Variants in MACIR observed in about 807,000 individuals in gnomAD.
MACIR encodes macrophage immunometabolism regulator, also known as UNC119-binding protein C5orf30.
In MACIR, 4 loss-of-function variants were observed where a neutral mutation model predicts 14.3. The ratio of observed to expected loss-of-function variants is 0.28; its 90% confidence interval spans 0.14 to 0.64. MACIR has a LOEUF of 0.64. Among genes scored for constraint, MACIR ranks in the 30% least tolerant of loss-of-function variants. The pLI is 0.83. For missense variants in MACIR, 228 were observed against 257.6 expected (o/e 0.89, Z 0.79); for synonymous variants, 101 against 102.4 (o/e 0.99, Z 0.08).
chr5:103,265,426 G>A (rs1447565053), intron 1 of MACIR, among the ~76,000 whole-genome samples: 2 of 152,150 alleles, frequency 1.3e-5, no homozygotes, highest in Non-Finnish European at 2.9e-5. Flanking sequence ...AGGGAGGAAG[G>A]GGGGTTATTA....
At chr5:103,268,663 C>T (rs782319075) in intron 2 of MACIR, among the ~76,000 whole-genome samples, 3 of 152,320 alleles carry the variant, frequency 2.0e-5, no homozygotes, top group Non-Finnish European at 4.4e-5. Context: ...CACCCCAGAT[C>T]AGTTAAATCA....
intron 2 of MACIR, among the ~76,000 whole-genome samples, chr5:103,267,829 C>T (rs1804981963): frequency 6.6e-6 from 1 of 152,088 alleles, no homozygotes; most frequent in Admixed American, 6.5e-5. Context: ...ACAAATAGAA[C>T]ATTTTCATCA....
At chr5:103,274,940 C>G (rs536246741) in intron 2 of MACIR, among the ~76,000 whole-genome samples, 2 of 152,280 alleles carry the variant, frequency 1.3e-5, no homozygotes, top group South Asian at 4.1e-4. Context: ...CAAATTTGAT[C>G]TATCTGTAGC....
intron 2 of MACIR, among the ~76,000 whole-genome samples, chr5:103,272,060 A>G (rs1242611058): frequency 6.6e-6 from 1 of 152,140 alleles, no homozygotes; most frequent in Non-Finnish European, 1.5e-5. Flanking sequence ...AATTTGTGAG[A>G]GTGCTTTGTA....
chr5:103,260,221 CTTT>C (rs797038831), intron 1 of MACIR, among the ~76,000 whole-genome samples: 4 of 139,068 alleles, frequency 2.9e-5, no homozygotes, highest in Non-Finnish European at 4.7e-5. Flanking sequence ...ACTCATTTTC[CTTT>C]TTTTTTTTTT....
rs577051358 is a variant in MACIR at position 103,262,031 on chromosome 5, G to A, written c.-114+3135G>A. On this transcript the variant is annotated intron_variant, in intron 1 of 2. Transcript: ENST00000319933. ...GAAGCTTGAGATTCACGACTTTTTT[G>A]TGTGTTTACGAATTTTGTATGGACA... 4.6e-5 allele frequency among the ~76,000 whole-genome samples: 7 copies of A among 152,136 alleles called. No homozygotes were observed. The East Asian group carries it at 1.4e-3, about 29-fold the overall frequency.
At chr5:103,268,314 C>T (rs1022221350) in intron 2 of MACIR, among the ~76,000 whole-genome samples, 9 of 152,142 alleles carry the variant, frequency 5.9e-5, no homozygotes, top group African/African-American at 1.7e-4. Flanking sequence ...AAAATAACTA[C>T]GCCAAAGTGT....
chr5:103,276,098 A>G lies in MACIR; in HGVS notation c.179A>G (p.Tyr60Cys). 1.9e-6 allele frequency: 3 copies of G among 1,613,898 alleles called. No homozygotes were observed. The highest frequency in any genetic ancestry group is 2.5e-6 in the Non-Finnish European group (3 of 1,179,982). ...CAGATCCTACACATGGACTCTAACT[A>G]TTTGGTTGGCTTCACGACTGGCGAG... ...GYQILHMDSN[Y>C]LVGFTTGEEL... Residue 60 changes from tyrosine to cysteine, a missense_variant, in exon 3 of 3, where the codon TAT becomes TGT. Transcript: ENST00000319933.
At chr5:103,273,968 G>A (rs1487452743) in intron 2 of MACIR, among the ~76,000 whole-genome samples, 2 of 152,058 alleles carry the variant, frequency 1.3e-5, no homozygotes, top group Admixed American at 1.3e-4. Context: ...CTTGAGTGTG[G>A]TGCCCAGTCT....
Position 103,276,327 on chromosome 5 carries a change from G to A in MACIR, c.408G>A (p.Lys136=). The change falls in exon 3 of 3, where the codon AAG becomes AAA. Residue 136 remains lysine (K), a synonymous_variant. Transcript: ENST00000319933. ...GGCGGATGCCAAGCTCAGGAGACAA[G>A]TGCACTAAATCTTTACCTTATGAAC... ...RRRRMPSSGD[K]CTKSLPYEPY... is the part of the protein sequence containing the mutation. 1.9e-6 allele frequency: 3 copies of A among 1,612,832 alleles called. No individual in the cohort carries two copies. The highest frequency in any genetic ancestry group is 2.5e-6 in the Non-Finnish European group (3 of 1,179,888).
chr5:103,258,508 C>T (rs1364697332), upstream of MACIR, among the ~76,000 whole-genome samples: 1 of 151,980 alleles, frequency 6.6e-6, no homozygotes, highest in Non-Finnish European at 1.5e-5. Flanking sequence ...CTCCTCCTCC[C>T]CACCACCAGT....
Position 103,276,531 on chromosome 5 carries a change from T to C in MACIR, c.612T>C (p.Asn204=). 6.2e-7 allele frequency: 1 copy of C among 1,607,756 alleles called. No individual in the cohort carries two copies. Among genetic ancestry groups the C allele is most frequent in the Non-Finnish European group, 8.5e-7 (1 of 1,177,502 alleles). ...TLRGDRVFAR[N]NT ...GAGGGGACCGTGTGTTTGCTAGGAA[T>C]AATACATGAATGACTTGGAGAGAGC... Residue 204 remains asparagine, a synonymous_variant, in exon 3 of 3, where the codon AAT becomes AAC. Transcript: ENST00000319933.
At position 103,278,252 on chromosome 5, in the gene MACIR, C is replaced by T. The variant is rs1442852634; in HGVS notation, c.*1712C>T. On this transcript the variant is annotated 3_prime_UTR_variant, in exon 3 of 3. Coordinates refer to ENST00000319933, the MANE Select transcript of MACIR (RefSeq NM_033211.4). ...CATTAGTTTGACAAGAAATAGAATC[C>T]TGTCAGATGCCAAAGAGTGGGATTT... 2 of 166,642 alleles carry T rather than the reference C, an allele frequency of 1.2e-5. No homozygotes were observed. The highest frequency in any genetic ancestry group is 2.9e-5 in the Non-Finnish European group (2 of 68,084). 10.3% of individuals were successfully genotyped at this position (166,642 alleles called of 1,614,324 possible).
At chr5:103,265,257 C>T (rs1252459200) in intron 1 of MACIR, among the ~76,000 whole-genome samples, 2 of 152,110 alleles carry the variant, frequency 1.3e-5, no homozygotes, top group Non-Finnish European at 2.9e-5. Context: ...TGCCTCGCAT[C>T]AGTCTTATGA....
intron 1 of MACIR, among the ~76,000 whole-genome samples, chr5:103,265,333 T>C (rs1580569488): frequency 6.6e-6 from 1 of 152,170 alleles, no homozygotes; most frequent in South Asian, 2.1e-4. Flanking sequence ...TGCATAATAA[T>C]AGCATCACAC....
chr5:103,266,992 A>G (rs1804948614), intron 2 of MACIR, among the ~76,000 whole-genome samples: 1 of 152,156 alleles, frequency 6.6e-6, no homozygotes, highest in African/African-American at 2.4e-5. Context: ...AAGTACTTGG[A>G]GAGGATATTG....
chr5:103,276,310 C>T lies in MACIR; in HGVS notation c.391C>T (p.Pro131Ser). Reference sequence around the variant, plus strand: ...CAATGGCAGGAGGCGAAGGCGGATGCCAAGCTCAGGAGACAAGTGCACTAA... The same window carrying T: ...CAATGGCAGGAGGCGAAGGCGGATGTCAAGCTCAGGAGACAAGTGCACTAA... ...AVNGRRRRRM[P>S]SSGDKCTKSL... Residue 131 changes from proline (P) to serine (S), a missense_variant, in exon 3 of 3, where the codon CCA (proline) becomes TCA (serine). Transcript: ENST00000319933. The T allele has an allele frequency of 6.2e-7, 1 of 1,612,750 alleles. No homozygotes were observed. Among genetic ancestry groups the T allele is most frequent in the Non-Finnish European group, 8.5e-7 (1 of 1,179,800 alleles).
At chr5:103,271,157 A>G (rs1805109583) in intron 2 of MACIR, among the ~76,000 whole-genome samples, 1 of 152,146 alleles carries the variant, frequency 6.6e-6, no homozygotes, top group Non-Finnish European at 1.5e-5. Context: ...TAATGAAGCA[A>G]TTAATTTTTT....
chr5:103,261,689 T>TCTTC (rs1554236297), intron 1 of MACIR, among the ~76,000 whole-genome samples: 4 of 127,490 alleles, frequency 3.1e-5, no homozygotes, highest in African/African-American at 1.3e-4. Context: ...TTTCTTTCTT[T>TCTTC]CTTTCTTTCT....
Sources: gnomAD v4.1 joint callset for allele counts (sites outside exome capture counted in the v4.1 genomes callset) on GRCh38, gnomAD v4.1.1 for gene constraint, MANE v1.5 for transcripts, NCBI Gene and HGNC (gene_info 2026-07-23, HGNC 2026-07-21) for gene names.